TIMM9: variants seen among roughly 807,000 people sequenced by gnomAD.
TIMM9 encodes the protein translocase of inner mitochondrial membrane 9.
TIMM9 carries 10 observed loss-of-function variants against 13.4 expected under a neutral mutation model. The observed-to-expected ratio is 0.75, with a 90% confidence interval of 0.46 to 1.26. The LOEUF (loss-of-function observed/expected upper bound fraction) is 1.26, where lower values mean the gene tolerates loss of function less well. Among genes scored for constraint, TIMM9 ranks in the 50% most tolerant of loss-of-function variants. The pLI is 0.00. For missense variants in TIMM9, 87 were observed against 100.8 expected (o/e 0.86, Z 0.58); for synonymous variants, 32 against 32.1 (o/e 1.00, Z 0.01).
At chr14:58,418,806 AAC>A (rs1348013583) in intron 3 of TIMM9, among the ~76,000 whole-genome samples, 10 of 152,162 alleles carry the variant, frequency 6.6e-5, no homozygotes, top group Admixed American at 2.0e-4. Flanking sequence ...CAAAGACCTA[AAC>A]ACACAGAGAG....
At chr14:58,425,857 G>A (rs1391326933) in intron 2 of TIMM9, among the ~76,000 whole-genome samples, 5 of 152,102 alleles carry the variant, frequency 3.3e-5, no homozygotes, top group Non-Finnish European at 5.9e-5. Flanking sequence ...GGTGGCTCAC[G>A]CTTGTAATAC....
rs2036236714 is a variant in TIMM9, at chr14:58,412,023, G to C, written c.-26-52C>G. The C allele has an allele frequency of 6.5e-6, 9 of 1,390,928 alleles. No individual in the cohort carries two copies. The Admixed American group carries it at 7.2e-5, about 11-fold the overall frequency. The allele number at this position is 1,390,928 out of a possible 1,614,324, so 86.2% of individuals were successfully genotyped here. On this transcript the variant is annotated intron_variant, in intron 3 of 5. Transcript: ENST00000395159. ...GTCAATCTATAAACAAATGTTTTTAGTCTAACTGAAGAGTTAGGGAATCAC... is the reference window on the plus strand; with the variant it reads ...GTCAATCTATAAACAAATGTTTTTACTCTAACTGAAGAGTTAGGGAATCAC...
chr14:58,415,416 G>C (rs2140324454), intron 3 of TIMM9, among the ~76,000 whole-genome samples: 1 of 152,262 alleles, frequency 6.6e-6, no homozygotes, highest in Middle Eastern at 3.4e-3. Context: ...AGGATTATCT[G>C]ACAAAGATTT....
At chr14:58,419,756 C>CAA in intron 3 of TIMM9, among the ~76,000 whole-genome samples, 1 of 150,558 alleles carries the variant, frequency 6.6e-6, no homozygotes. Flanking sequence ...AATACACACA[C>CAA]AAAAAAAATT....
chr14:58,420,069 C>T (rs932179369), intron 3 of TIMM9, among the ~76,000 whole-genome samples: 2 of 152,136 alleles, frequency 1.3e-5, no homozygotes, highest in Non-Finnish European at 2.9e-5. Context: ...GGATTACAGG[C>T]GTAAGCCACC....
intron 3 of TIMM9, 107 bp from the exon 4 acceptor site, chr14:58,412,078 A>C: frequency 1.3e-6 from 1 of 752,896 alleles, no homozygotes; most frequent in Non-Finnish European, 2.2e-6. Context: ...TGTGTATGTA[A>C]TTGTATGCCA....
chr14:58,426,650 T>C (rs374775306), intron 2 of TIMM9, among the ~76,000 whole-genome samples: 3 of 152,216 alleles, frequency 2.0e-5, no homozygotes, highest in African/African-American at 4.8e-5. Flanking sequence ...AAGGGAAAGC[T>C]CTAAGTAGCG....
chr14:58,421,524 T>G (rs962075154), intron 3 of TIMM9, among the ~76,000 whole-genome samples: 2 of 152,188 alleles, frequency 1.3e-5, no homozygotes, highest in Non-Finnish European at 2.9e-5. Context: ...ACAGGGGACC[T>G]TTGTGTTAAT....
rs74719785 is a variant in TIMM9 at position 58,427,372 on chromosome 14, T to C, written c.-304+20A>G. Reference sequence around the variant, plus strand: ...AATAATGACCCGAATCTGTCGAAACTTCTTGGAAGCCTAATTTACCTAATC... The same window carrying C: ...AATAATGACCCGAATCTGTCGAAACCTCTTGGAAGCCTAATTTACCTAATC... On this transcript the variant is annotated intron_variant, in intron 1 of 5. Transcript: ENST00000395159. 2.2e-6 allele frequency: 1 copy of C among 457,446 alleles called. No individual in the cohort carries two copies. The highest frequency in any genetic ancestry group is 4.0e-6 in the Non-Finnish European group (1 of 252,586). The allele number at this position is 457,446 out of a possible 1,614,324, so 28.3% of individuals were successfully genotyped here.
chr14:58,410,745 T>C, intron 5 of TIMM9, 98 bp downstream of exon 5: 1 of 816,132 alleles, frequency 1.2e-6, no homozygotes, highest in Non-Finnish European at 1.9e-6. Flanking sequence ...GTAGTCTAAA[T>C]TCCTGTAATA....
At chr14:58,411,365 T>C (rs1037825609) in intron 4 of TIMM9, among the ~76,000 whole-genome samples, 2 of 151,896 alleles carry the variant, frequency 1.3e-5, no homozygotes, top group African/African-American at 4.8e-5. Flanking sequence ...GGAGAATTGC[T>C]TGGGCCCGGG....
At chr14:58,416,742 C>T (rs1371822962) in intron 3 of TIMM9, among the ~76,000 whole-genome samples, 1 of 152,158 alleles carries the variant, frequency 6.6e-6, no homozygotes, top group African/African-American at 2.4e-5. Context: ...TGGTAATATG[C>T]TGACATCATT....
intron 3 of TIMM9, chr14:58,412,263 T>C (rs556617350): frequency 7.8e-4 from 232 of 298,200 alleles, no homozygotes; most frequent in Non-Finnish European, 1.2e-3. Flanking sequence ...TGCCTCAGCC[T>C]CCTGAGTAGC....
In TIMM9 at chr14:58,424,050, T is replaced by C. The variant is rs987220444; in HGVS notation, c.-69A>G. The C allele has an allele frequency of 6.6e-6, 1 of 152,192 alleles. No homozygotes were observed. The highest frequency in any genetic ancestry group is 2.4e-5 in the African/African-American group (1 of 41,456). 9.4% of individuals were successfully genotyped at this position (152,192 alleles called of 1,614,324 possible). On this transcript the variant is annotated 5_prime_UTR_variant, in exon 3 of 6. Transcript: ENST00000395159. ...TTTCCTTTCTGTTCTGGAAAAGTAG[T>C]TGTCCAACCTTTGCTTGAATGTCTC...
chr14:58,425,452 T>C (rs531694755), intron 2 of TIMM9, among the ~76,000 whole-genome samples: 99 of 151,506 alleles, frequency 6.5e-4, no homozygotes, highest in Non-Finnish European at 1.3e-3. Flanking sequence ...TAGTCCTAGC[T>C]ACTCAGGAGG....
intron 2 of TIMM9, among the ~76,000 whole-genome samples, 167 bp from the exon 3 acceptor site, chr14:58,424,262 T>A (rs74422225): frequency 0.049 from 7,499 of 152,330 alleles, 261 homozygotes; most frequent in South Asian, 0.11. Flanking sequence ...TTGGCATATG[T>A]GTTACTATTA....
intron 3 of TIMM9, among the ~76,000 whole-genome samples, chr14:58,416,569 G>T (rs969763040): frequency 6.6e-6 from 1 of 152,200 alleles, no homozygotes. Flanking sequence ...AATGATAAAA[G>T]TAGTAGTCCT....
chr14:58,409,373 C>T (rs1431930414), intron 5 of TIMM9, among the ~76,000 whole-genome samples: 1 of 152,040 alleles, frequency 6.6e-6, no homozygotes, highest in Admixed American at 6.6e-5. Flanking sequence ...GAATGCCTGC[C>T]AGTTTGTAGT....
chr14:58,414,569 C>T (rs557294578), intron 3 of TIMM9, among the ~76,000 whole-genome samples: 4 of 151,812 alleles, frequency 2.6e-5, no homozygotes, highest in Non-Finnish European at 4.4e-5. Flanking sequence ...GAAACCGCAT[C>T]TCTACTGAAA....
Sources: allele counts gnomAD v4.1 joint callset (sites outside exome capture counted in the v4.1 genomes callset), GRCh38; gene constraint gnomAD v4.1.1; transcripts MANE v1.5; gene names NCBI Gene and HGNC (gene_info 2026-07-23, HGNC 2026-07-21).